The following SPATA17 variants were observed in gnomAD, a reference collection of about 807,000 sequenced individuals.
The protein encoded by SPATA17 is spermatogenesis associated 17.
Under a neutral mutation model 62.2 loss-of-function variants are expected in SPATA17, and 53 were observed. The ratio of observed to expected loss-of-function variants is 0.85; its 90% CI spans 0.68 to 1.07. The LOEUF is 1.07. Ranked by LOEUF, SPATA17 falls within the 50% of genes least tolerant of loss-of-function variation. SPATA17 has a pLI of 0.00. For missense variants in SPATA17, 466 were observed against 425.5 expected (o/e 1.10, Z -0.84); for synonymous variants, 146 against 146.8 (o/e 0.99, Z 0.04).
At chr1:217,648,618 T>A (rs1245257681) in intron 1 of SPATA17, among the ~76,000 whole-genome samples, 5 of 152,198 alleles carry the variant, frequency 3.3e-5, no homozygotes, top group Admixed American at 3.3e-4. Context: ...ACTGGCAAAT[T>A]AATTAGTTGT....
intron 5 of SPATA17, among the ~76,000 whole-genome samples, chr1:217,733,331 G>C (rs1672439508): frequency 1.3e-5 from 2 of 152,188 alleles, no homozygotes; most frequent in Admixed American, 6.5e-5. Context: ...CTACCGAAGA[G>C]AGCAAGAGTT....
At position 217,742,247 on chromosome 1, in the gene SPATA17, G is replaced by A; in HGVS notation, c.519+149G>A. On this transcript the variant is annotated intron_variant, in intron 6 of 10. Coordinates refer to ENST00000366933, the MANE Select transcript of SPATA17 (RefSeq NM_138796.4). The stretch of plus-strand genomic sequence containing the variant: ...TTCAATTTCGTGCTTCTGTGTAGGT[G>A]CGCGCAGGCACCATGACTCGTCTGT... 13 of 997,404 alleles carry A rather than the reference G, an allele frequency of 1.3e-5. No homozygotes were observed. In the South Asian group the frequency reaches 2.0e-4, roughly 15 times the overall value. 61.8% of individuals were successfully genotyped at this position (997,404 alleles called of 1,614,324 possible). A position where few individuals can be genotyped will look rare whatever the true frequency, so the allele number is the denominator to read the frequency against.
At chr1:217,792,280 A>G (rs1050753457) in intron 8 of SPATA17, among the ~76,000 whole-genome samples, 2 of 152,270 alleles carry the variant, frequency 1.3e-5, no homozygotes, top group Admixed American at 1.3e-4. Flanking sequence ...ACTCGCAAAG[A>G]ACAAAGATCC....
intron 2 of SPATA17, among the ~76,000 whole-genome samples, chr1:217,650,719 C>T (rs189635719): frequency 0.015 from 2,256 of 152,306 alleles, 34 homozygotes; most frequent in Non-Finnish European, 0.022. Context: ...CCACTGCGCC[C>T]GGCCCTCATG....
intron 10 of SPATA17, among the ~76,000 whole-genome samples, chr1:217,865,225 C>A (rs746441046): frequency 1.4e-4 from 21 of 152,172 alleles, no homozygotes; most frequent in Non-Finnish European, 2.5e-4. Context: ...ATTTTTAGAG[C>A]TATCTATTTG....
At chr1:217,829,345 C>T (rs974470533) in intron 9 of SPATA17, among the ~76,000 whole-genome samples, 9 of 151,918 alleles carry the variant, frequency 5.9e-5, no homozygotes, top group East Asian at 1.9e-4. Context: ...ATACTGCATT[C>T]GGTCGGGCAT....
chr1:217,833,256 AG>A (rs1407908673), intron 9 of SPATA17, among the ~76,000 whole-genome samples: 1 of 152,192 alleles, frequency 6.6e-6, no homozygotes, highest in Non-Finnish European at 1.5e-5. Flanking sequence ...AGAGCTTGCT[AG>A]TCTTTTCATG....
At chr1:217,696,201 C>T (rs1024541929) in intron 5 of SPATA17, among the ~76,000 whole-genome samples, 1 of 152,222 alleles carries the variant, frequency 6.6e-6, no homozygotes, top group Admixed American at 6.5e-5. Flanking sequence ...CGTGGTGCAC[C>T]GTTTTTTAAG....
At chr1:217,715,295 C>T (rs1671977301) in intron 5 of SPATA17, among the ~76,000 whole-genome samples, 1 of 152,040 alleles carries the variant, frequency 6.6e-6, no homozygotes, top group South Asian at 2.1e-4. Flanking sequence ...TTTTGAATTC[C>T]CAAAGATAGG....
chr1:217,687,670 T>C (rs1369882105), intron 5 of SPATA17, among the ~76,000 whole-genome samples: 1 of 152,196 alleles, frequency 6.6e-6, no homozygotes, highest in African/African-American at 2.4e-5. Context: ...GGCTATACTA[T>C]CTAGGTTTAT....
At chr1:217,793,497 G>A (rs1306946127) in intron 8 of SPATA17, among the ~76,000 whole-genome samples, 2 of 152,080 alleles carry the variant, frequency 1.3e-5, no homozygotes, top group East Asian at 2.0e-4. Flanking sequence ...TGGGATTACA[G>A]GCGTGCGCCA....
chr1:217,714,071 A>G (rs922607568), intron 5 of SPATA17, among the ~76,000 whole-genome samples: 8 of 152,280 alleles, frequency 5.3e-5, no homozygotes, highest in Non-Finnish European at 1.0e-4. Context: ...CTAAAGGAAG[A>G]CATGATATTG....
chr1:217,858,576 G>GA (rs1248544869), intron 9 of SPATA17, among the ~76,000 whole-genome samples: 2 of 152,030 alleles, frequency 1.3e-5, no homozygotes, highest in Non-Finnish European at 2.9e-5. Flanking sequence ...TTCCTTTTTG[G>GA]AAGCTTATTT....
In SPATA17 at chr1:217,771,495, G is replaced by T. The variant is rs536247186; in HGVS notation, c.520-2839G>T. Among the ~76,000 whole-genome samples, 15 of 152,148 alleles carry T rather than the reference G, an allele frequency of 9.9e-5. 1 individual carries two copies. In the South Asian group the frequency reaches 3.1e-3, roughly 32 times the overall value. Reference sequence around the variant, plus strand: ...GCAATTGAGACAATAGTATGTTAAGGTTGTTGTATTTATTTAAAGAAATAA... The same window carrying T: ...GCAATTGAGACAATAGTATGTTAAGTTTGTTGTATTTATTTAAAGAAATAA... On this transcript the variant is annotated intron_variant, in intron 6 of 10. Coordinates refer to ENST00000366933, the MANE Select transcript of SPATA17 (RefSeq NM_138796.4).
chr1:217,853,715 A>G (rs1159908089), intron 9 of SPATA17, among the ~76,000 whole-genome samples: 1 of 152,216 alleles, frequency 6.6e-6, no homozygotes, highest in African/African-American at 2.4e-5. Context: ...CCAACCAATC[A>G]GTGCATAATA....
intron 10 of SPATA17, chr1:217,866,492 A>C (rs551983641): frequency 1.3e-5 from 2 of 152,370 alleles, no homozygotes; most frequent in Non-Finnish European, 2.9e-5. Flanking sequence ...ACAGGGTCTC[A>C]CTCTGTTGCC....
chr1:217,696,848 T>C (rs1245671988), intron 5 of SPATA17, among the ~76,000 whole-genome samples: 1 of 152,166 alleles, frequency 6.6e-6, no homozygotes, highest in Non-Finnish European at 1.5e-5. Flanking sequence ...AGAACCACTC[T>C]AGTCCCCTTA....
intron 8 of SPATA17, among the ~76,000 whole-genome samples, chr1:217,789,909 C>T (rs1673959276): frequency 1.3e-5 from 2 of 152,044 alleles, no homozygotes; most frequent in Non-Finnish European, 2.9e-5. Flanking sequence ...TGGTGGTGGG[C>T]ACCTGTAGTC....
At chr1:217,743,064 G>C (rs538335183) in intron 6 of SPATA17, among the ~76,000 whole-genome samples, 10 of 151,466 alleles carry the variant, frequency 6.6e-5, no homozygotes, top group African/African-American at 1.7e-4. Flanking sequence ...TTTAATCATG[G>C]TGACTATCTT....
Sources: gnomAD v4.1 joint callset for allele counts (sites outside exome capture counted in the v4.1 genomes callset) on GRCh38, gnomAD v4.1.1 for gene constraint, MANE v1.5 for transcripts, NCBI Gene and HGNC (gene_info 2026-07-23, HGNC 2026-07-21) for gene names.